SH3KBP1: variants seen among roughly 807,000 people sequenced by gnomAD.
The protein encoded by SH3KBP1 is SH3 domain containing kinase binding protein 1.
SH3KBP1 carries 8 observed loss-of-function variants against 50.1 expected under a neutral mutation model. The ratio of observed to expected loss-of-function variants is 0.16; its 90% CI spans 0.09 to 0.29. The LOEUF (loss-of-function observed/expected upper bound fraction) is 0.29. Among genes scored for constraint, SH3KBP1 ranks in the 10% least tolerant of loss-of-function variants. The pLI is 1.00. For missense variants in SH3KBP1, 377 were observed against 535.2 expected (o/e 0.70, Z 2.92); for synonymous variants, 227 against 218.6 (o/e 1.04, Z -0.34).
At chrX:19,544,498 C>T (rs1233233169) in intron 15 of SH3KBP1, among the ~76,000 whole-genome samples, 3 of 111,131 alleles carry the variant, frequency 2.7e-5, no homozygotes, top group African/African-American at 9.8e-5. Flanking sequence ...CTGTGGCTGC[C>T]TGAGTCTGAA....
intron 2 of SH3KBP1, among the ~76,000 whole-genome samples, chrX:19,807,779 G>A (rs996860878): frequency 8.9e-5 from 10 of 112,124 alleles, no homozygotes; most frequent in Non-Finnish European, 1.7e-4. Context: ...TGTTTTGATC[G>A]TTGCAGCAGC....
chrX:19,784,762 A>C (rs2066284757), intron 2 of SH3KBP1, among the ~76,000 whole-genome samples: 1 of 110,610 alleles, frequency 9.0e-6, no homozygotes, highest in African/African-American at 3.3e-5. Flanking sequence ...GGCATACCAC[A>C]CCTGACTAAT....
chrX:19,622,690 C>T (rs1382728861), intron 8 of SH3KBP1, among the ~76,000 whole-genome samples: 1 of 111,999 alleles, frequency 8.9e-6, no homozygotes, highest in African/African-American at 3.2e-5. Flanking sequence ...AACAGGGTGA[C>T]GACTATGTGC....
Position 19,794,326 on chromosome X carries a change from C to T in SH3KBP1, c.162+41799G>A, listed in dbSNP as rs2066640192. ...CTGAGAGGTGGGAGGCTCACTTGAG[C>T]CCAGGAGGTCGAGGCTGCAGTGAGC... On this transcript the variant is annotated intron_variant, in intron 2 of 17. Coordinates refer to ENST00000397821, the MANE Select transcript of SH3KBP1 (RefSeq NM_031892.3). 2.7e-5 allele frequency among the ~76,000 whole-genome samples: 3 copies of T among 110,687 alleles called. No individual in the cohort carries two copies. The South Asian group carries it at 1.1e-3, about 42-fold the overall frequency.
At chrX:19,611,227 C>T (rs1029804257) in intron 8 of SH3KBP1, among the ~76,000 whole-genome samples, 2 of 111,566 alleles carry the variant, frequency 1.8e-5, no homozygotes. Flanking sequence ...TCATCTTAGT[C>T]TTATGCAAAT....
intron 14 of SH3KBP1, among the ~76,000 whole-genome samples, chrX:19,548,839 G>C (rs955540472): frequency 3.0e-4 from 33 of 110,855 alleles, no homozygotes; most frequent in Middle Eastern, 4.6e-3. Context: ...GAGAGAGAGA[G>C]AGAGAGAAAT....
At chrX:19,671,034 T>C (rs1428177380) in intron 6 of SH3KBP1, 2 of 1,051,395 alleles carry the variant, frequency 1.9e-6, no homozygotes, top group African/African-American at 3.9e-5. Context: ...CATTTGTTTA[T>C]GGTTCAGGAA....
chrX:19,701,808 A>C (rs747567425), intron 4 of SH3KBP1, among the ~76,000 whole-genome samples: 1 of 112,365 alleles, frequency 8.9e-6, no homozygotes, highest in Non-Finnish European at 1.9e-5. Flanking sequence ...CCCAAATCTC[A>C]ATAAACACAG....
At chrX:19,735,724 C>CGGGGG (rs1175892426) in intron 3 of SH3KBP1, among the ~76,000 whole-genome samples, 20 of 8,607 alleles carry the variant, frequency 2.3e-3, no homozygotes, top group Non-Finnish European at 3.1e-3. Context: ...TTTTTTTTGG[C>CGGGGG]GGGGGGGGGG....
At chrX:19,629,320 G>A (rs4825309) in intron 8 of SH3KBP1, among the ~76,000 whole-genome samples, 16,960 of 109,589 alleles carry the variant, frequency 0.15, 1,098 homozygotes, top group African/African-American at 0.18. Flanking sequence ...CATCTATCTG[G>A]ATTTTACAAT....
intron 10 of SH3KBP1, among the ~76,000 whole-genome samples, 181 bp from the exon 11 acceptor site, chrX:19,592,328 CTA>C (rs1431450119): frequency 9.0e-6 from 1 of 111,352 alleles, no homozygotes; most frequent in Non-Finnish European, 1.9e-5. Flanking sequence ...CATTTCTGGC[CTA>C]TGTCATTAAG....
At chrX:19,802,392 T>C (rs1292861710) in intron 2 of SH3KBP1, among the ~76,000 whole-genome samples, 2 of 110,263 alleles carry the variant, frequency 1.8e-5, no homozygotes, top group Admixed American at 9.6e-5. Context: ...TAAAAATAAA[T>C]AAAAACCTTG....
rs183027268 is a variant in SH3KBP1, at chrX:19,750,523, T to C, written c.163-4082A>G. On this transcript the variant is annotated intron_variant, in intron 2 of 17. Coordinates refer to ENST00000397821, the MANE Select transcript of SH3KBP1 (RefSeq NM_031892.3). ...CAAAAGACCACAGGACAAGCTTTCA[T>C]TCAAACACTTTTCAAATTGAACAGC... is the stretch of plus-strand genomic sequence containing the variant. 2.2e-3 allele frequency among the ~76,000 whole-genome samples: 250 copies of C among 112,455 alleles called. 1 individual carries two copies. The highest frequency in any genetic ancestry group is 7.2e-3 in the African/African-American group (223 of 30,931).
chrX:19,848,953 C>A (rs1272624841), intron 1 of SH3KBP1, among the ~76,000 whole-genome samples: 1 of 109,652 alleles, frequency 9.1e-6, no homozygotes, highest in Non-Finnish European at 1.9e-5. Flanking sequence ...TTTTTAATTT[C>A]TTTTAAATTT....
At chrX:19,760,027 TCTCTCTCTCTCTC>T (rs2065341610) in intron 2 of SH3KBP1, among the ~76,000 whole-genome samples, 2 of 70,108 alleles carry the variant, frequency 2.9e-5, no homozygotes, top group Admixed American at 1.5e-4. Flanking sequence ...CTCTCTCCTC[TCTCTCTCTCTCTC>T]CCTCTCTCTC....
chrX:19,799,935 TGGAACCTGTATGACTGAGGAGGA>T, intron 2 of SH3KBP1: 1 of 323,349 alleles, frequency 3.1e-6, no homozygotes, highest in Non-Finnish European at 4.1e-6. Flanking sequence ...CTTGAGAGTG[TGGAACCTGTATGACTGAGGAGGA>T]GGAAGAGCCA....
intron 9 of SH3KBP1, among the ~76,000 whole-genome samples, chrX:19,601,155 G>C (rs902852053): frequency 8.9e-6 from 1 of 111,850 alleles, no homozygotes; most frequent in African/African-American, 3.3e-5. Flanking sequence ...GCTTGTGTGC[G>C]GGGTTGTTGG....
intron 1 of SH3KBP1, among the ~76,000 whole-genome samples, chrX:19,850,007 G>A (rs917367408): frequency 2.7e-5 from 3 of 111,685 alleles, no homozygotes; most frequent in African/African-American, 6.5e-5. Flanking sequence ...TTATGCTGGC[G>A]TAACTCTAGC....
chrX:19,872,781 A>G (rs2069092009), intron 1 of SH3KBP1, among the ~76,000 whole-genome samples: 1 of 108,767 alleles, frequency 9.2e-6, no homozygotes, highest in Non-Finnish European at 1.9e-5. Flanking sequence ...CTCAAAAAAA[A>G]GAAGTATCAG....
Sources: gnomAD v4.1 joint callset for allele counts (sites outside exome capture counted in the v4.1 genomes callset) on GRCh38, gnomAD v4.1.1 for gene constraint, MANE v1.5 for transcripts, NCBI Gene and HGNC (gene_info 2026-07-23, HGNC 2026-07-21) for gene names.